The following RALGPS1 variants were observed in gnomAD, a reference collection of about 807,000 sequenced individuals.
RALGPS1 encodes the protein Ral GEF with PH domain and SH3 binding motif 1.
Under a neutral mutation model 78.8 loss-of-function variants are expected in RALGPS1, and 19 were observed. The ratio of observed to expected loss-of-function variants is 0.24; its 90% confidence interval spans 0.17 to 0.35. The LOEUF is 0.35. Among genes scored for constraint, RALGPS1 ranks in the 10% least tolerant of loss-of-function variants. RALGPS1 has a pLI of 1.00. For missense variants in RALGPS1, 454 were observed against 688.3 expected (o/e 0.66, Z 3.81); for synonymous variants, 228 against 256.3 (o/e 0.89, Z 1.06).
chr9:126,963,663 C>T (rs645942), intron 2 of RALGPS1, among the ~76,000 whole-genome samples: 4,177 of 152,280 alleles, frequency 0.027, 51 homozygotes, highest in Middle Eastern at 0.048. Flanking sequence ...ACAATAACCC[C>T]ATCAGGTGTA....
At chr9:126,931,121 A>G (rs2035751181) in intron 1 of RALGPS1, among the ~76,000 whole-genome samples, 1 of 152,240 alleles carries the variant, frequency 6.6e-6, no homozygotes, top group Non-Finnish European at 1.5e-5. Context: ...AATGGCTGCG[A>G]GAGCTCTAGC....
intron 1 of RALGPS1, among the ~76,000 whole-genome samples, chr9:126,937,760 G>A (rs533993793): frequency 6.6e-6 from 1 of 152,296 alleles, no homozygotes; most frequent in African/African-American, 2.4e-5. Context: ...TTTAACATGT[G>A]CATCTCCTTG....
intron 5 of RALGPS1, among the ~76,000 whole-genome samples, chr9:127,040,518 G>A (rs550845142): frequency 1.3e-5 from 2 of 152,334 alleles, no homozygotes; most frequent in African/African-American, 2.4e-5. Context: ...GGAAAGGTCT[G>A]ACACAGTGGG....
chr9:127,142,742 ACT>A (rs2057864420), intron 8 of RALGPS1, among the ~76,000 whole-genome samples: 1 of 152,128 alleles, frequency 6.6e-6, no homozygotes, highest in Non-Finnish European at 1.5e-5. Context: ...AGAGGAAACC[ACT>A]GTTCTTTGAG....
At position 126,924,863 on chromosome 9, in the gene RALGPS1, C is replaced by T. The variant is rs145066954; in HGVS notation, c.-66+9888C>T. ...AAGACAGGCCGGGCGTGGTGGCTGA[C>T]GCCTGTAATCCCAGCACTTTGGGAG... is the stretch of plus-strand genomic sequence containing the variant. On this transcript the variant is annotated intron_variant, in intron 1 of 18. Transcript: ENST00000259351. Among the ~76,000 whole-genome samples, 121 of 152,266 alleles carry T rather than the reference C, an allele frequency of 7.9e-4. 2 individuals carry two copies. In the East Asian group the frequency reaches 0.016, roughly 20 times the overall value.
intron 1 of RALGPS1, among the ~76,000 whole-genome samples, chr9:126,958,142 A>AAAATATATATATATATATATATAT (rs113413659): frequency 1.3e-5 from 1 of 77,092 alleles, no homozygotes; most frequent in South Asian, 5.2e-4. Flanking sequence ...AAAAAAAAAA[A>AAAATATATATATATATATATATAT]ATATATATAT....
At chr9:126,981,753 G>T (rs896649514) in intron 4 of RALGPS1, among the ~76,000 whole-genome samples, 3 of 152,172 alleles carry the variant, frequency 2.0e-5, no homozygotes, top group Admixed American at 1.3e-4. Context: ...CATGATTACT[G>T]TATTAGTCCT....
At chr9:126,993,598 G>C (rs746714552) in intron 4 of RALGPS1, among the ~76,000 whole-genome samples, 7 of 151,340 alleles carry the variant, frequency 4.6e-5, no homozygotes, top group Non-Finnish European at 7.4e-5. Context: ...AGCTTCCACT[G>C]TAGCTCTGGT....
intron 4 of RALGPS1, among the ~76,000 whole-genome samples, chr9:127,004,659 CT>C (rs35322238): frequency 4.6e-5 from 7 of 152,112 alleles, no homozygotes; most frequent in African/African-American, 1.4e-4. Flanking sequence ...TTATACACAT[CT>C]TTTTGTGTTT....
chr9:126,952,870 G>A (rs755838855), intron 1 of RALGPS1, among the ~76,000 whole-genome samples: 2 of 152,088 alleles, frequency 1.3e-5, no homozygotes, highest in South Asian at 2.1e-4. Flanking sequence ...AGGCGGCTGC[G>A]GAGTCGTGGG....
intron 1 of RALGPS1, among the ~76,000 whole-genome samples, chr9:126,923,771 G>C (rs533082665): frequency 6.6e-6 from 1 of 152,202 alleles, no homozygotes; most frequent in Non-Finnish European, 1.5e-5. Flanking sequence ...ATGGCCTCAA[G>C]CGATCCTCCT....
intron 4 of RALGPS1, among the ~76,000 whole-genome samples, chr9:127,004,814 G>C (rs969819904): frequency 6.6e-6 from 1 of 152,200 alleles, no homozygotes; most frequent in African/African-American, 2.4e-5. Flanking sequence ...CTGCAAAGGA[G>C]AAGGAGCATC....
At chr9:127,043,666 GACTT>G (rs1326531423) in intron 5 of RALGPS1, among the ~76,000 whole-genome samples, 1 of 152,074 alleles carries the variant, frequency 6.6e-6, no homozygotes, top group Non-Finnish European at 1.5e-5. Context: ...AGAATTAAAA[GACTT>G]ACCACAGATT....
At chr9:127,029,782 A>G (rs1419312759) in intron 4 of RALGPS1, among the ~76,000 whole-genome samples, 1 of 152,114 alleles carries the variant, frequency 6.6e-6, no homozygotes, top group African/African-American at 2.4e-5. Context: ...GCCTTACGTG[A>G]TGGACTCCAG....
chr9:126,985,015 TC>T (rs974220870), intron 4 of RALGPS1, among the ~76,000 whole-genome samples: 1 of 152,228 alleles, frequency 6.6e-6, no homozygotes, highest in African/African-American at 2.4e-5. Flanking sequence ...CCATAATTCT[TC>T]CTTCTCAACT....
intron 3 of RALGPS1, among the ~76,000 whole-genome samples, chr9:126,971,053 C>G (rs890952052): frequency 6.6e-6 from 1 of 151,988 alleles, no homozygotes; most frequent in Non-Finnish European, 1.5e-5. Context: ...CTAGAAGGAA[C>G]ACAGGAACAC....
At chr9:126,919,605 T>C (rs1197030483) in intron 1 of RALGPS1, among the ~76,000 whole-genome samples, 1 of 152,204 alleles carries the variant, frequency 6.6e-6, no homozygotes, top group African/African-American at 2.4e-5. Flanking sequence ...GATCTGTCTT[T>C]GGGGGTTTTT....
intron 8 of RALGPS1, among the ~76,000 whole-genome samples, chr9:127,109,147 T>A (rs1336782777): frequency 6.6e-6 from 1 of 151,392 alleles, no homozygotes; most frequent in Non-Finnish European, 1.5e-5. Flanking sequence ...AGAGGGAGGG[T>A]TTTCTGGTCT....
chr9:127,045,776 C>T (rs920509120), intron 5 of RALGPS1, among the ~76,000 whole-genome samples: 17 of 150,830 alleles, frequency 1.1e-4, no homozygotes, highest in Non-Finnish European at 2.2e-4. Context: ...CACACACACA[C>T]ACACACACAC....
Sources: gnomAD v4.1 joint callset for allele counts (sites outside exome capture counted in the v4.1 genomes callset) on GRCh38, gnomAD v4.1.1 for gene constraint, MANE v1.5 for transcripts, NCBI Gene and HGNC (gene_info 2026-07-23, HGNC 2026-07-21) for gene names.